The following BBS12 variants were observed in gnomAD, a reference collection of about 807,000 sequenced individuals.
BBS12 encodes the protein chaperonin-containing T-complex member BBS12.
Under a neutral mutation model 5.6 loss-of-function variants are expected in BBS12, and 5 were observed. The ratio of observed to expected loss-of-function variants is 0.89; its 90% CI spans 0.46 to 1.86. The LOEUF is 1.86. BBS12 is among the 40% of genes most tolerant of loss of function. The probability of loss-of-function intolerance (pLI) is 0.01; values close to 1 mark genes in which losing one functional copy is unlikely to be tolerated. For missense variants in BBS12, 748 were observed against 830.4 expected (o/e 0.90, Z 1.22); for synonymous variants, 308 against 306.8 (o/e 1.00, Z -0.04).
rs1367574046 is a variant in BBS12 at position 122,732,823 on chromosome 4, C to A, written c.-72C>A. 1 of 152,392 alleles carries A rather than the reference C, an allele frequency of 6.6e-6. No individual in the cohort carries two copies. Among genetic ancestry groups the A allele is most frequent in the African/African-American group, 2.4e-5 (1 of 41,464 alleles). 9.4% of individuals were successfully genotyped at this position (152,392 alleles called of 1,614,324 possible). Reference sequence around the variant, plus strand: ...TTGGTGTTGCTGTCCCAGCCAGAATCGCGTCTGGCCGGTGGGAAGCCGGGA... The same window carrying A: ...TTGGTGTTGCTGTCCCAGCCAGAATAGCGTCTGGCCGGTGGGAAGCCGGGA... On this transcript the variant is annotated 5_prime_UTR_variant, in exon 1 of 2. Transcript: ENST00000314218.
the BBS12 span, among the ~76,000 whole-genome samples, chr4:122,709,492 C>T: frequency 6.6e-6 from 1 of 152,012 alleles, no homozygotes; most frequent in Non-Finnish European, 1.5e-5. Flanking sequence ...ACTCTGATCC[C>T]CTAATAAAGA....
At chr4:122,740,107 C>CAA (rs34178632) in intron 1 of BBS12, among the ~76,000 whole-genome samples, 38 of 151,402 alleles carry the variant, frequency 2.5e-4, no homozygotes, top group African/African-American at 8.0e-4. Flanking sequence ...CCCATCTCTA[C>CAA]AAAAAAAATA....
the BBS12 span, among the ~76,000 whole-genome samples, chr4:122,722,259 A>G: frequency 6.6e-6 from 1 of 152,136 alleles, no homozygotes; most frequent in Non-Finnish European, 1.5e-5. Context: ...AGGACTTTCT[A>G]TTCTATTCCA....
chr4:122,702,947 C>A, the BBS12 span, among the ~76,000 whole-genome samples: 2 of 152,172 alleles, frequency 1.3e-5, no homozygotes, highest in Admixed American at 1.3e-4. Context: ...GTTTTAATAA[C>A]CAAAACGGGC....
At chr4:122,723,871 G>A in the BBS12 span, among the ~76,000 whole-genome samples, 1 of 152,110 alleles carries the variant, frequency 6.6e-6, no homozygotes, top group Non-Finnish European at 1.5e-5. Flanking sequence ...ACAGAAAGAG[G>A]CAGCAAACTC....
chr4:122,731,171 A>G (rs1800691430), upstream of BBS12: 1 of 152,312 alleles, frequency 6.6e-6, no homozygotes, highest in African/African-American at 2.4e-5. Flanking sequence ...TCCAGAATGC[A>G]TCTCTTATTA....
upstream of BBS12, chr4:122,730,255 C>T (rs1800680754): frequency 6.6e-6 from 1 of 152,138 alleles, no homozygotes; most frequent in African/African-American, 2.4e-5. Context: ...CCAACTTCAT[C>T]AAACTTTAAA....
chr4:122,725,523 C>T, the BBS12 span, among the ~76,000 whole-genome samples: 5 of 152,096 alleles, frequency 3.3e-5, no homozygotes, highest in African/African-American at 1.2e-4. Context: ...AAAGGACACC[C>T]TAATCAACAA....
At chr4:122,718,879 C>T in the BBS12 span, among the ~76,000 whole-genome samples, 1 of 151,842 alleles carries the variant, frequency 6.6e-6, no homozygotes, top group Non-Finnish European at 1.5e-5. Context: ...AGTGCAGTGG[C>T]ACAATCTCGG....
the BBS12 span, among the ~76,000 whole-genome samples, chr4:122,717,022 G>A: frequency 1.3e-5 from 2 of 151,954 alleles, no homozygotes; most frequent in Non-Finnish European, 2.9e-5. Context: ...AGACCTCAAC[G>A]CCCTCTAGTG....
rs757311921 is a variant in BBS12, at chr4:122,743,317, A to G, written c.1425A>G (p.Arg475=). 4 of 1,614,084 alleles carry G rather than the reference A, an allele frequency of 2.5e-6. No homozygotes were observed. The highest frequency in any genetic ancestry group is 2.5e-6 in the Non-Finnish European group (3 of 1,180,036). Residue 475 remains arginine (R), a synonymous_variant, in exon 2 of 2, where the codon AGA becomes AGG. Coordinates refer to ENST00000314218, the MANE Select transcript of BBS12 (RefSeq NM_152618.3). ...ACGGGGTCTGCGTGACCTTCTGGAG[A>G]AGCAGCCCTTTGGATGTTGTAGATA... is the stretch of plus-strand genomic sequence containing the variant. ...VGDGVCVTFW[R]SSPLDVVDRN...
chr4:122,742,939 G>A lies in BBS12; in HGVS notation c.1047G>A (p.Leu349=), dbSNP rs1800907366. ...CTAATAATCCTGTGATCAAGGAATT[G>A]CAGAATCAGCCTGTGCGAATAGTTC... ...SVSNNPVIKE[L]QNQPVRIVLI... is the part of the protein sequence containing the mutation. Residue 349 remains leucine (L), a synonymous_variant, in exon 2 of 2, where the codon TTG becomes TTA. Coordinates refer to ENST00000314218, the MANE Select transcript of BBS12 (RefSeq NM_152618.3). The A allele has an allele frequency of 1.9e-6, 3 of 1,614,188 alleles. No individual in the cohort carries two copies. Among genetic ancestry groups the A allele is most frequent in the Non-Finnish European group, 2.5e-6 (3 of 1,180,018 alleles).
At chr4:122,709,356 CTT>C in the BBS12 span, among the ~76,000 whole-genome samples, 5 of 152,066 alleles carry the variant, frequency 3.3e-5, 1 homozygote, top group Admixed American at 6.6e-5. Flanking sequence ...AATAAAGAAA[CTT>C]GATAAATGAA....
the BBS12 span, among the ~76,000 whole-genome samples, chr4:122,718,322 G>A: frequency 6.6e-6 from 1 of 152,130 alleles, no homozygotes; most frequent in African/African-American, 2.4e-5. Flanking sequence ...CTTGTAGCCA[G>A]CAGTCTCTCC....
chr4:122,716,690 T>C, the BBS12 span, among the ~76,000 whole-genome samples: 4,513 of 72,790 alleles, frequency 0.062, 555 homozygotes, highest in African/African-American at 0.19. Flanking sequence ...TACACATATG[T>C]GTATGTGTGT....
chr4:122,733,423 A>C (rs1367585723), intron 1 of BBS12, among the ~76,000 whole-genome samples: 8 of 131,704 alleles, frequency 6.1e-5, no homozygotes, highest in Non-Finnish European at 1.3e-4. Flanking sequence ...ACACACACAC[A>C]CATCCAGCCA....
At chr4:122,724,300 T>C in the BBS12 span, among the ~76,000 whole-genome samples, 3 of 152,198 alleles carry the variant, frequency 2.0e-5, no homozygotes, top group African/African-American at 2.4e-5. Flanking sequence ...CTCGTTCACA[T>C]GGTTGTTGGC....
the BBS12 span, among the ~76,000 whole-genome samples, chr4:122,726,545 C>T: frequency 1.3e-5 from 2 of 152,142 alleles, no homozygotes; most frequent in East Asian, 3.8e-4. Flanking sequence ...AGTAGAAATA[C>T]CATTTGATCC....
the BBS12 span, among the ~76,000 whole-genome samples, chr4:122,714,378 G>A: frequency 6.6e-6 from 1 of 152,216 alleles, no homozygotes; most frequent in East Asian, 1.9e-4. Context: ...ATGGTATTTT[G>A]CAGCCTGAGC....
Sources: allele counts gnomAD v4.1 joint callset (sites outside exome capture counted in the v4.1 genomes callset), GRCh38; gene constraint gnomAD v4.1.1; transcripts MANE v1.5; gene names NCBI Gene and HGNC (gene_info 2026-07-23, HGNC 2026-07-21).